UMAD1: variants seen among roughly 807,000 people sequenced by gnomAD.
The protein encoded by UMAD1 is UBAP1-MVB12-associated (UMA) domain containing 1.
In UMAD1, 8 loss-of-function variants were observed where a neutral mutation model predicts 6.1. The observed-to-expected ratio is 1.30, with a 90% CI of 0.76 to 2.35. The LOEUF is 2.35. Among genes scored for constraint, UMAD1 ranks in the 30% most tolerant of loss-of-function variants. The pLI is 0.00. For synonymous variants in UMAD1, 56 were observed against 31.4 expected (o/e 1.78, Z -2.61); for missense variants, 130 against 78.4 (o/e 1.66, Z -2.49).
intron 1 of UMAD1, among the ~76,000 whole-genome samples, chr7:7,643,571 G>C (rs1785023906): frequency 6.6e-6 from 1 of 152,122 alleles, no homozygotes; most frequent in African/African-American, 2.4e-5. Context: ...AAGTATCCAG[G>C]CGCGATGGCG....
At chr7:7,734,456 T>A (rs971993576) in intron 2 of UMAD1, among the ~76,000 whole-genome samples, 10 of 152,204 alleles carry the variant, frequency 6.6e-5, no homozygotes, top group Admixed American at 3.9e-4. Context: ...TTTGAAATTA[T>A]CTTTTCTATT....
chr7:7,664,329 G>A (rs1557997), intron 1 of UMAD1, among the ~76,000 whole-genome samples: 97,126 of 151,678 alleles, frequency 0.64, 31,491 homozygotes, highest in East Asian at 0.87. Context: ...TAACTTCTTG[G>A]CTCCAGGCTC....
intron 3 of UMAD1, among the ~76,000 whole-genome samples, chr7:7,842,005 G>A (rs985230725): frequency 1.3e-5 from 2 of 152,176 alleles, no homozygotes; most frequent in African/African-American, 4.8e-5. Flanking sequence ...GACAACATTG[G>A]ACAATGACAC....
chr7:7,668,796 AATT>A (rs1779533405), intron 1 of UMAD1, among the ~76,000 whole-genome samples: 1 of 152,178 alleles, frequency 6.6e-6, no homozygotes, highest in Non-Finnish European at 1.5e-5. Context: ...TTATTTACCC[AATT>A]ATTCTAGTTA....
chr7:7,711,622 A>C (rs1780766537), intron 2 of UMAD1, among the ~76,000 whole-genome samples: 1 of 151,992 alleles, frequency 6.6e-6, no homozygotes, highest in African/African-American at 2.4e-5. Context: ...ATTTTTATTT[A>C]TGTTTAATAG....
chr7:7,695,316 C>G (rs1394116198), intron 2 of UMAD1, among the ~76,000 whole-genome samples: 3 of 152,106 alleles, frequency 2.0e-5, no homozygotes, highest in Non-Finnish European at 4.4e-5. Flanking sequence ...ATTCTCAAGC[C>G]CAGCCAACTT....
At chr7:7,690,570 G>A (rs966775110) in intron 2 of UMAD1, among the ~76,000 whole-genome samples, 2 of 152,068 alleles carry the variant, frequency 1.3e-5, no homozygotes, top group South Asian at 2.1e-4. Context: ...GGGTGATGCC[G>A]CACCTAAGTT....
At chr7:7,829,526 C>CA (rs71014719) in intron 3 of UMAD1, among the ~76,000 whole-genome samples, 45,541 of 151,820 alleles carry the variant, frequency 0.3, 6,927 homozygotes, top group African/African-American at 0.34. Context: ...TATAAATGGA[C>CA]AAAAAAAGGA....
At chr7:7,665,943 T>C (rs953352656) in intron 1 of UMAD1, among the ~76,000 whole-genome samples, 1 of 152,142 alleles carries the variant, frequency 6.6e-6, no homozygotes, top group African/African-American at 2.4e-5. Flanking sequence ...TTATTGGACA[T>C]TTGGGTTGTT....
chr7:7,651,219 G>A (rs1785216766), intron 1 of UMAD1, among the ~76,000 whole-genome samples: 1 of 152,188 alleles, frequency 6.6e-6, no homozygotes, highest in Non-Finnish European at 1.5e-5. Flanking sequence ...AAACCAGAAA[G>A]GACAAGGATC....
At position 7,796,112 on chromosome 7, in the gene UMAD1, A is replaced by T. The variant is rs1360140855; in HGVS notation, c.83-5558A>T. On this transcript the variant is annotated intron_variant, in intron 2 of 3. Transcript: ENST00000682710. ...GGAGAGAGGCCTGGAGTGAATGTTA[A>T]TGGAATTTCCTCCATGTTGAAGGAA... Among the ~76,000 whole-genome samples the T allele has an allele frequency of 2.0e-5, 3 of 152,064 alleles. No homozygotes were observed. In the East Asian group the frequency reaches 5.8e-4, roughly 29 times the overall value.
At chr7:7,864,477 C>T (rs138960668) in intron 3 of UMAD1, among the ~76,000 whole-genome samples, 45 of 151,816 alleles carry the variant, frequency 3.0e-4, no homozygotes, top group African/African-American at 8.0e-4. Flanking sequence ...TCATACACAC[C>T]CACACTCAAG....
chr7:7,728,393 C>A (rs533839522), intron 2 of UMAD1, among the ~76,000 whole-genome samples: 2 of 152,246 alleles, frequency 1.3e-5, no homozygotes, highest in South Asian at 4.1e-4. Flanking sequence ...CACCTGTAAT[C>A]CCAGCACTTT....
chr7:7,874,358 G>T (rs1422422303), intron 3 of UMAD1, among the ~76,000 whole-genome samples: 1 of 152,112 alleles, frequency 6.6e-6, no homozygotes, highest in African/African-American at 2.4e-5. Context: ...AGCAACCAGG[G>T]TGATTATTTT....
chr7:7,695,475 T>A (rs571026509), intron 2 of UMAD1, among the ~76,000 whole-genome samples: 2 of 152,360 alleles, frequency 1.3e-5, no homozygotes, highest in South Asian at 4.1e-4. Flanking sequence ...TTAATTTTTA[T>A]TACATGTTTC....
In UMAD1 at chr7:7,830,690, A is replaced by G. The variant is rs1374146668; in HGVS notation, c.156+28947A>G. ...ATGGTTTTCTTTATTCTAATGTCAGATATTGCCTCAGAACCTTTGTAAGAA... is the reference window on the plus strand; with the variant it reads ...ATGGTTTTCTTTATTCTAATGTCAGGTATTGCCTCAGAACCTTTGTAAGAA... On this transcript the variant is annotated intron_variant, in intron 3 of 3. Coordinates refer to ENST00000682710, the MANE Select transcript of UMAD1 (RefSeq NM_001302348.2). This position sits in a 1 kb window ranked among gnomAD's most constrained non-coding sequence, Gnocchi z 5.3. Among the ~76,000 whole-genome samples, 1 of 152,058 alleles carries G rather than the reference A, an allele frequency of 6.6e-6. No homozygotes were observed. Among genetic ancestry groups the G allele is most frequent in the Non-Finnish European group, 1.5e-5 (1 of 68,010 alleles).
rs886386438 is a variant in UMAD1 at position 7,644,293 on chromosome 7, G to C, written c.-64+3472G>C. Among the ~76,000 whole-genome samples, 4 of 147,894 alleles carry C rather than the reference G, an allele frequency of 2.7e-5. No individual in the cohort carries two copies. In the East Asian group the frequency reaches 5.8e-4, roughly 22 times the overall value. On this transcript the variant is annotated intron_variant, in intron 1 of 3. Coordinates refer to ENST00000682710, the MANE Select transcript of UMAD1 (RefSeq NM_001302348.2). ...AAGAGCTTTTTATTAGTGAGATATT[G>C]TAATGGTACAAGTGTTGTCTGTTTT...
At chr7:7,864,136 C>T (rs529017125) in intron 3 of UMAD1, among the ~76,000 whole-genome samples, 2 of 152,088 alleles carry the variant, frequency 1.3e-5, no homozygotes, top group Non-Finnish European at 2.9e-5. Flanking sequence ...TTGACATCCT[C>T]GATAGGTTCT....
intron 2 of UMAD1, among the ~76,000 whole-genome samples, chr7:7,693,649 A>G (rs2115141297): frequency 6.6e-6 from 1 of 152,234 alleles, no homozygotes; most frequent in African/African-American, 2.4e-5. Context: ...AAATTCTATA[A>G]CTTTTAGTGG....
Sources: gnomAD v4.1 joint callset for allele counts (sites outside exome capture counted in the v4.1 genomes callset) on GRCh38, gnomAD v4.1.1 for gene constraint, Gnocchi (gnomAD v3.1) non-coding constraint, MANE v1.5 for transcripts, NCBI Gene and HGNC (gene_info 2026-07-23, HGNC 2026-07-21) for gene names.